NAALADL2: variants seen among roughly 807,000 people sequenced by gnomAD.
NAALADL2 encodes inactive N-acetylated-alpha-linked acidic dipeptidase-like protein 2.
In NAALADL2, 76 loss-of-function variants were observed where a neutral mutation model predicts 87.2. The ratio of observed to expected loss-of-function variants is 0.87; its 90% CI spans 0.72 to 1.05. The LOEUF (loss-of-function observed/expected upper bound fraction) is 1.05. NAALADL2 is among the 50% of genes least tolerant of loss of function. The pLI, the probability that NAALADL2 is intolerant of heterozygous loss-of-function variation, is 0.00. For missense variants in NAALADL2, 1,089 were observed against 945.8 expected, an observed-to-expected ratio of 1.15 and a Z score of -1.99; for synonymous variants, 354 against 331.0, an observed-to-expected ratio of 1.07 and a Z score of -0.75.
At chr3:175,712,799 G>A (rs1447069535) in intron 11 of NAALADL2, among the ~76,000 whole-genome samples, 1 of 151,896 alleles carries the variant, frequency 6.6e-6, no homozygotes, top group Non-Finnish European at 1.5e-5. Context: ...CCAAGTTTAT[G>A]GTATGTTTGT....
chr3:175,398,705 G>C (rs981237099), intron 5 of NAALADL2, among the ~76,000 whole-genome samples: 2 of 151,874 alleles, frequency 1.3e-5, no homozygotes, highest in Non-Finnish European at 2.9e-5. Flanking sequence ...GAATTACATC[G>C]TTGTTTTATT....
chr3:175,578,154 A>C (rs1195630375), intron 10 of NAALADL2, among the ~76,000 whole-genome samples: 1 of 152,100 alleles, frequency 6.6e-6, no homozygotes, highest in African/African-American at 2.4e-5. Context: ...GAATAGGTGC[A>C]ACGGTTCATG....
At chr3:175,714,426 A>G (rs1380569881) in intron 11 of NAALADL2, among the ~76,000 whole-genome samples, 1 of 152,030 alleles carries the variant, frequency 6.6e-6, no homozygotes, top group Non-Finnish European at 1.5e-5. Context: ...CACCATTCCA[A>G]CTGGCAGGAG....
chr3:175,318,051 CAAATT>C, intron 4 of NAALADL2, among the ~76,000 whole-genome samples: 1 of 152,050 alleles, frequency 6.6e-6, no homozygotes, highest in East Asian at 1.9e-4. Flanking sequence ...TTTTAATTAA[CAAATT>C]AAAAATTAAC....
chr3:175,283,333 A>T (rs1025859774), intron 4 of NAALADL2, among the ~76,000 whole-genome samples: 3 of 152,080 alleles, frequency 2.0e-5, no homozygotes, highest in African/African-American at 7.2e-5. Context: ...TACCTTCAGG[A>T]TACCATTGTA....
At chr3:175,530,146 G>C (rs534170799) in intron 9 of NAALADL2, among the ~76,000 whole-genome samples, 19 of 152,284 alleles carry the variant, frequency 1.2e-4, no homozygotes, top group African/African-American at 4.6e-4. Context: ...GACAGGGGTG[G>C]CTGGGGAAAG....
In NAALADL2 at chr3:175,096,980, G is replaced by A. The variant is rs1193126711; in HGVS notation, c.234G>A (p.Glu78=). ...GAENQNLGHS[E]TIDLNLDSIQ... ...AGAATCAGAACCTAGGGCATTCAGAGACTATAGACCTCAATCTTGATTCCA... is the reference window on the plus strand; with the variant it reads ...AGAATCAGAACCTAGGGCATTCAGAAACTATAGACCTCAATCTTGATTCCA... Residue 78 remains glutamate (E), a synonymous_variant, in exon 2 of 14, where the codon GAG becomes GAA. Transcript: ENST00000454872. 6.2e-7 allele frequency: 1 copy of A among 1,613,366 alleles called. No individual in the cohort carries two copies. Among genetic ancestry groups the A allele is most frequent in the Non-Finnish European group, 8.5e-7 (1 of 1,179,626 alleles).
At chr3:174,878,690 A>G (rs1465736781) in intron 1 of NAALADL2, among the ~76,000 whole-genome samples, 1 of 152,002 alleles carries the variant, frequency 6.6e-6, no homozygotes, top group African/African-American at 2.4e-5. Context: ...TTGCCCCTGT[A>G]CACTGCAGCA....
intron 9 of NAALADL2, among the ~76,000 whole-genome samples, chr3:175,520,471 T>C (rs1025723351): frequency 6.6e-5 from 10 of 151,294 alleles, no homozygotes; most frequent in African/African-American, 2.4e-4. Context: ...GCTAATTTTT[T>C]GTATTTTTAG....
chr3:175,142,530 A>T (rs1478566472), intron 2 of NAALADL2, among the ~76,000 whole-genome samples: 1 of 152,032 alleles, frequency 6.6e-6, no homozygotes, highest in Non-Finnish European at 1.5e-5. Flanking sequence ...GAAGCTCCTA[A>T]AGAGCAGGAC....
intron 2 of NAALADL2, among the ~76,000 whole-genome samples, chr3:174,732,185 G>A (rs572876491): frequency 8.0e-4 from 121 of 152,168 alleles, no homozygotes; most frequent in East Asian, 9.7e-4. Flanking sequence ...GACATGTGGA[G>A]GATATATAAC....
intron 1 of NAALADL2, among the ~76,000 whole-genome samples, chr3:175,047,140 G>A (rs1038224913): frequency 3.5e-4 from 53 of 152,016 alleles, no homozygotes; most frequent in African/African-American, 1.0e-3. Context: ...CTAGGCCCCC[G>A]CCTTCTAATA....
intron 13 of NAALADL2, among the ~76,000 whole-genome samples, chr3:175,777,763 A>C (rs1414406272): frequency 6.6e-6 from 1 of 152,174 alleles, no homozygotes; most frequent in Admixed American, 6.5e-5. Context: ...ACTGTAGTTT[A>C]TCCAGACCAC....
At chr3:174,871,345 G>A (rs1727796151) in intron 1 of NAALADL2, among the ~76,000 whole-genome samples, 1 of 152,170 alleles carries the variant, frequency 6.6e-6, no homozygotes, top group Non-Finnish European at 1.5e-5. Flanking sequence ...CTTAGGGTAT[G>A]AAGAGAAAAT....
chr3:175,063,263 T>C (rs1046737460), intron 1 of NAALADL2, among the ~76,000 whole-genome samples: 1 of 152,166 alleles, frequency 6.6e-6, no homozygotes, highest in Non-Finnish European at 1.5e-5. Flanking sequence ...TTTTATCGCT[T>C]GTTAGTTAAA....
At chr3:175,791,286 G>A (rs1752746536) in intron 13 of NAALADL2, among the ~76,000 whole-genome samples, 1 of 152,026 alleles carries the variant, frequency 6.6e-6, no homozygotes, top group African/African-American at 2.4e-5. Flanking sequence ...TTTTATTTTT[G>A]AGTGCCTGAT....
chr3:175,679,371 T>A (rs1447621946), intron 11 of NAALADL2, among the ~76,000 whole-genome samples: 1 of 152,188 alleles, frequency 6.6e-6, no homozygotes, highest in African/African-American at 2.4e-5. Context: ...GAAACTCAAC[T>A]GCCTTTAGAA....
At chr3:174,772,762 CAA>C (rs1714737454) in intron 3 of NAALADL2, among the ~76,000 whole-genome samples, 2 of 152,120 alleles carry the variant, frequency 1.3e-5, no homozygotes, top group African/African-American at 2.4e-5. Context: ...GGTGGAAACA[CAA>C]GAGAGGAACC....
rs1360212912 is a variant in NAALADL2, at chr3:174,602,950, C to A, written c.-115+52313C>A. Among the ~76,000 whole-genome samples the A allele has an allele frequency of 3.3e-5, 5 of 151,964 alleles. No homozygotes were observed. In the East Asian group the frequency reaches 7.7e-4, roughly 23 times the overall value. On this transcript the variant is annotated intron_variant, in intron 2 of 3. Coordinates refer to the NAALADL2 transcript ENST00000434257. ...CCCTGATTGATTTGTGTATGTTGAA[C>A]CATCATTACATTCCTGCGATAATCC...
Sources: gnomAD v4.1 joint callset for allele counts (sites outside exome capture counted in the v4.1 genomes callset) on GRCh38, gnomAD v4.1.1 for gene constraint, MANE v1.5 for transcripts, NCBI Gene and HGNC (gene_info 2026-07-23, HGNC 2026-07-21) for gene names.